Variants in H3-3A observed in about 807,000 individuals in gnomAD.
H3-3A encodes H3.3 histone A.
For missense variants in H3-3A, 7 were observed against 184.0 expected, an observed-to-expected ratio of 0.04 and a Z score of 5.57; for synonymous variants, 49 against 61.4, an observed-to-expected ratio of 0.80 and a Z score of 0.95.
At chr1:226,065,887 T>G in intron 3 of H3-3A, 78 bp downstream of exon 3, 2 of 1,055,566 alleles carry the variant, frequency 1.9e-6, no homozygotes, top group Non-Finnish European at 2.9e-6. Flanking sequence ...TTGCATGTGC[T>G]TATATCATTT....
chr1:226,070,751 C>T (rs777947552), intron 3 of H3-3A, among the ~76,000 whole-genome samples: 3 of 147,590 alleles, frequency 2.0e-5, no homozygotes, highest in South Asian at 2.2e-4. Flanking sequence ...CCAGCCTGGG[C>T]GACAGAGTAA....
intron 3 of H3-3A, among the ~76,000 whole-genome samples, chr1:226,069,174 G>A (rs892919938): frequency 6.6e-5 from 10 of 151,672 alleles, no homozygotes; most frequent in African/African-American, 2.2e-4. Context: ...AGCCTCCCAA[G>A]TAGCTGGGAC....
chr1:226,066,177 A>C (rs768756288), intron 3 of H3-3A: 2 of 331,694 alleles, frequency 6.0e-6, no homozygotes, highest in Non-Finnish European at 1.1e-5. Flanking sequence ...AATTTCAAAC[A>C]ACAGTGCCTA....
At chr1:226,061,907 C>T (rs1657717500), upstream of H3-3A, 1 of 152,114 alleles carries the variant, frequency 6.6e-6, no homozygotes, top group Non-Finnish European at 1.5e-5. Flanking sequence ...CGAGCCCCGT[C>T]CCCTGATCCC....
intron 1 of H3-3A, among the ~76,000 whole-genome samples, chr1:226,063,594 C>A (rs1307417118): frequency 1.3e-5 from 2 of 152,070 alleles, no homozygotes; most frequent in Admixed American, 6.6e-5. Context: ...GCGAGGCGGG[C>A]AGGTTGGGGG....
At chr1:226,063,115 C>T (rs1406514872) in intron 1 of H3-3A, among the ~76,000 whole-genome samples, 1 of 152,042 alleles carries the variant, frequency 6.6e-6, no homozygotes, top group African/African-American at 2.4e-5. Context: ...GCCCCTTCCC[C>T]GGACCCCAAA....
At chr1:226,063,329 C>G (rs934519830) in intron 1 of H3-3A, among the ~76,000 whole-genome samples, 10 of 152,192 alleles carry the variant, frequency 6.6e-5, no homozygotes, top group Admixed American at 1.3e-4. Flanking sequence ...CCGTTTCTCT[C>G]TTCCCCATTT....
intron 2 of H3-3A, 73 bp downstream of exon 2, chr1:226,064,552 ATAACAGGAAAACTTTTTGCTT>A: frequency 7.7e-7 from 1 of 1,300,056 alleles, no homozygotes; most frequent in Non-Finnish European, 1.1e-6. Flanking sequence ...AAAAAGATGG[ATAACAGGAAAACTTTTTGCTT>A]TAGAGAAACT....
At chr1:226,065,517 A>G (rs1657896464) in intron 2 of H3-3A, 139 bp from the exon 3 acceptor site, 1 of 565,402 alleles carries the variant, frequency 1.8e-6, no homozygotes, top group Non-Finnish European at 3.1e-6. Flanking sequence ...TAAGTTGATC[A>G]GTGAAATTTG....
chr1:226,067,476 C>T lies in H3-3A; in HGVS notation c.282+1667C>T, dbSNP rs369728961. 4.9e-4 allele frequency among the ~76,000 whole-genome samples: 74 copies of T among 152,222 alleles called. No homozygotes were observed. In the South Asian group the frequency reaches 0.015, roughly 31 times the overall value. On this transcript the variant is annotated intron_variant, in intron 3 of 3. Transcript: ENST00000366815. The stretch of plus-strand genomic sequence containing the variant: ...AGAGTGGGCCGGGCGCCGTGACTCA[C>T]ATCTGTAATCCCAACACTTTGGGAG...
chr1:226,070,121 A>G (rs1156408289), intron 3 of H3-3A, among the ~76,000 whole-genome samples: 3 of 152,218 alleles, frequency 2.0e-5, no homozygotes, highest in African/African-American at 7.2e-5. Context: ...AAATTGGGGT[A>G]CGTAGAGGAA....
chr1:226,064,177 G>T (rs1300544697), intron 1 of H3-3A, 152 bp from the exon 2 acceptor site: 9 of 562,644 alleles, frequency 1.6e-5, no homozygotes, highest in Non-Finnish European at 2.8e-5. Context: ...TTGGGTAGAC[G>T]TAATCTTCAC....
chr1:226,067,468 G>A (rs568463040), intron 3 of H3-3A, among the ~76,000 whole-genome samples: 3 of 152,134 alleles, frequency 2.0e-5, no homozygotes, highest in African/African-American at 4.8e-5. Flanking sequence ...GCCGGGCGCC[G>A]TGACTCACAT....
chr1:226,071,345 T>C lies in H3-3A; in HGVS notation c.283-6T>C. Reference sequence around the variant, plus strand: ...ATCAGTAATTTTTTCTTCATTCCTTTTGCAGGAGGCAAGTGAGGCCTATCT... The same window carrying C: ...ATCAGTAATTTTTTCTTCATTCCTTCTGCAGGAGGCAAGTGAGGCCTATCT... On this transcript the variant is annotated splice_polypyrimidine_tract_variant and splice_region_variant and intron_variant, in intron 3 of 3. Coordinates refer to ENST00000366815, the MANE Select transcript of H3-3A (RefSeq NM_002107.7). 6.2e-7 allele frequency: 1 copy of C among 1,607,408 alleles called. No homozygotes were observed. The highest frequency in any genetic ancestry group is 8.5e-7 in the Non-Finnish European group (1 of 1,175,462).
intron 2 of H3-3A, 30 bp from the exon 3 acceptor site, chr1:226,065,626 G>T: frequency 6.7e-7 from 1 of 1,500,830 alleles, no homozygotes. Context: ...TTATGTTTTT[G>T]GTAACAGTTT....
chr1:226,064,192 T>A, intron 1 of H3-3A, 137 bp from the exon 2 acceptor site: 1 of 618,370 alleles, frequency 1.6e-6, no homozygotes, highest in East Asian at 3.0e-5. Flanking sequence ...CTTCACCCTT[T>A]CAAATTATAT....
intron 2 of H3-3A, among the ~76,000 whole-genome samples, chr1:226,064,776 G>T (rs1472983142): frequency 6.6e-6 from 1 of 152,132 alleles, no homozygotes; most frequent in African/African-American, 2.4e-5. Flanking sequence ...TTAACTATTA[G>T]TAATTCTTTA....
At chr1:226,066,161 A>T in intron 3 of H3-3A, 1 of 372,438 alleles carries the variant, frequency 2.7e-6, no homozygotes, top group Non-Finnish European at 4.8e-6. Flanking sequence ...CTATATTTGT[A>T]GTAACAATTT....
intron 3 of H3-3A, chr1:226,066,885 G>A (rs1002199691): frequency 9.2e-5 from 14 of 152,148 alleles, no homozygotes; most frequent in Admixed American, 9.2e-4. Context: ...GTAATTGGTC[G>A]AGCTGTTTCT....
Sources: gnomAD v4.1 joint callset for allele counts (sites outside exome capture counted in the v4.1 genomes callset) on GRCh38, gnomAD v4.1.1 for gene constraint, MANE v1.5 for transcripts, NCBI Gene and HGNC (gene_info 2026-07-23, HGNC 2026-07-21) for gene names.